The following ITSN1 variants were observed in gnomAD, a reference collection of about 807,000 sequenced individuals.
The protein encoded by ITSN1 is intersectin 1, also known as intersectin-1.
A neutral mutation model predicts 239.8 loss-of-function variants in ITSN1; 58 were observed. That is an observed-to-expected ratio of 0.24 (90% CI 0.20 to 0.30). ITSN1 has a LOEUF of 0.30. ITSN1 is among the 10% of genes least tolerant of loss of function. The probability of loss-of-function intolerance (pLI) is 1.00; values close to 1 mark genes in which losing one functional copy is unlikely to be tolerated. For synonymous variants in ITSN1, 780 were observed against 770.8 expected (o/e 1.01, Z -0.20); for missense variants, 1,558 against 2,103.3 (o/e 0.74, Z 5.07).
chr21:33,682,839 A>T (rs1467181424), intron 1 of ITSN1, among the ~76,000 whole-genome samples: 1 of 151,734 alleles, frequency 6.6e-6, no homozygotes, highest in Non-Finnish European at 1.5e-5. Context: ...GCTTCTGAAC[A>T]TTGTTTATAT....
At chr21:33,738,080 G>A (rs1224927041) in intron 5 of ITSN1, among the ~76,000 whole-genome samples, 3 of 151,992 alleles carry the variant, frequency 2.0e-5, no homozygotes, top group Admixed American at 2.0e-4. Flanking sequence ...CTGCTTGGGA[G>A]GCTGAGGCAA....
intron 22 of ITSN1, chr21:33,817,490 C>T (rs1290472830): frequency 3.1e-6 from 4 of 1,304,376 alleles, no homozygotes; most frequent in Non-Finnish European, 3.0e-6. Flanking sequence ...TTTATTCCTG[C>T]AGTGAATAGT....
At chr21:33,700,949 TTCTG>T (rs1368419941) in intron 1 of ITSN1, among the ~76,000 whole-genome samples, 1 of 95,974 alleles carries the variant, frequency 1.0e-5, no homozygotes, top group Admixed American at 1.1e-4. Flanking sequence ...GATTTCTTTT[TTCTG>T]TGTGTGTGTG....
intron 9 of ITSN1, 82 bp from the exon 10 acceptor site, chr21:33,765,793 A>C: frequency 6.8e-7 from 1 of 1,478,686 alleles, no homozygotes. Context: ...CAATAAGAAA[A>C]CATAACTTTT....
At chr21:33,838,168 A>G in intron 29 of ITSN1, 1 of 985,484 alleles carries the variant, frequency 1.0e-6, no homozygotes, top group Non-Finnish European at 1.2e-6. Flanking sequence ...GAAGCTCTCA[A>G]TAAAAATGCC....
At position 33,708,409 on chromosome 21, in the gene ITSN1, A is replaced by G. The variant is rs138634992; in HGVS notation, c.-32-10388A>G. ...TTTTTCTTTTTTGTTTTTTTTTGAG[A>G]TGGAGTTTTGCTCTTGTTGCCCAGG... On this transcript the variant is annotated intron_variant, in intron 1 of 39. Transcript: ENST00000381318. Among the ~76,000 whole-genome samples the G allele has an allele frequency of 5.9e-3, 877 of 149,208 alleles. 9 individuals carry two copies. The highest frequency in any genetic ancestry group is 0.021 in the African/African-American group (834 of 40,456).
chr21:33,772,859 TAA>T (rs2069276133), intron 12 of ITSN1, among the ~76,000 whole-genome samples: 1 of 152,208 alleles, frequency 6.6e-6, no homozygotes, highest in Non-Finnish European at 1.5e-5. Context: ...CTGATACCAG[TAA>T]AGTGTTTTTC....
intron 33 of ITSN1, among the ~76,000 whole-genome samples, chr21:33,868,067 G>C (rs1408981118): frequency 6.6e-6 from 1 of 152,208 alleles, no homozygotes; most frequent in African/African-American, 2.4e-5. Context: ...GAAAGGGACC[G>C]AGCCGGTTGC....
chr21:33,824,380 G>A (rs1427316035), intron 25 of ITSN1, among the ~76,000 whole-genome samples: 1 of 152,024 alleles, frequency 6.6e-6, no homozygotes, highest in East Asian at 1.9e-4. Flanking sequence ...GAGTTTCAGG[G>A]TATAAATGGA....
chr21:33,731,534 G>A (rs1467863044), intron 4 of ITSN1, among the ~76,000 whole-genome samples: 1 of 152,188 alleles, frequency 6.6e-6, no homozygotes, highest in Admixed American at 6.5e-5. Context: ...CCAGAAGCCA[G>A]TTTCATTTAT....
intron 34 of ITSN1, among the ~76,000 whole-genome samples, chr21:33,881,688 A>G (rs1191358820): frequency 6.6e-6 from 1 of 152,166 alleles, no homozygotes; most frequent in Non-Finnish European, 1.5e-5. Context: ...CAGTAAATAA[A>G]AAAGAGAAAT....
chr21:33,793,785 GA>G (rs1402872149), intron 16 of ITSN1, among the ~76,000 whole-genome samples: 1 of 152,192 alleles, frequency 6.6e-6, no homozygotes, highest in African/African-American at 2.4e-5. Context: ...TGCTCTGGAA[GA>G]GGAGCAACTT....
intron 1 of ITSN1, among the ~76,000 whole-genome samples, chr21:33,672,989 G>A (rs757879772): frequency 6.6e-6 from 1 of 152,124 alleles, no homozygotes; most frequent in Non-Finnish European, 1.5e-5. Context: ...GATTACGGGC[G>A]GGAGGCACCA....
chr21:33,847,341 C>T (rs1040390604), intron 29 of ITSN1, among the ~76,000 whole-genome samples: 1 of 152,238 alleles, frequency 6.6e-6, no homozygotes, highest in African/African-American at 2.4e-5. Context: ...CAGCCCTGCG[C>T]TCCAAGGACA....
intron 29 of ITSN1, among the ~76,000 whole-genome samples, chr21:33,840,433 G>C (rs192366350): frequency 2.6e-4 from 40 of 151,798 alleles, no homozygotes; most frequent in African/African-American, 9.4e-4. Flanking sequence ...TCGTGATCTC[G>C]GCTCACTGCA....
At chr21:33,742,424 G>A (rs375408649) in intron 5 of ITSN1, among the ~76,000 whole-genome samples, 1 of 152,196 alleles carries the variant, frequency 6.6e-6, no homozygotes, top group Non-Finnish European at 1.5e-5. Flanking sequence ...ACAGAATTGT[G>A]TACATTTGTA....
chr21:33,767,184 A>G (rs1010805481), intron 10 of ITSN1, among the ~76,000 whole-genome samples: 7 of 152,066 alleles, frequency 4.6e-5, no homozygotes, highest in African/African-American at 1.7e-4. Context: ...ATAAAATAAA[A>G]TAAAATGACA....
chr21:33,651,736 G>A (rs2088553588), intron 1 of ITSN1, among the ~76,000 whole-genome samples: 1 of 152,196 alleles, frequency 6.6e-6, no homozygotes, highest in Admixed American at 6.5e-5. Flanking sequence ...ATTGTCTATA[G>A]AAGCTGTTCT....
At chr21:33,761,526 G>A (rs1341513895) in intron 8 of ITSN1, among the ~76,000 whole-genome samples, 2 of 152,090 alleles carry the variant, frequency 1.3e-5, no homozygotes, top group African/African-American at 4.8e-5. Flanking sequence ...GGTTGAGCAG[G>A]GTGGAGACAG....
Sources: gnomAD v4.1 joint callset for allele counts (sites outside exome capture counted in the v4.1 genomes callset) on GRCh38, gnomAD v4.1.1 for gene constraint, MANE v1.5 for transcripts, NCBI Gene and HGNC (gene_info 2026-07-23, HGNC 2026-07-21) for gene names.